The following C14orf180 variants were observed in gnomAD, a reference collection of about 807,000 sequenced individuals.
The protein encoded by C14orf180 is nutritionally-regulated adipose and cardiac enriched protein homolog.
A neutral mutation model predicts 13.9 loss-of-function variants in C14orf180; 13 were observed. The ratio of observed to expected loss-of-function variants is 0.94; its 90% CI spans 0.61 to 1.49. C14orf180 has a LOEUF of 1.49. Ranked by LOEUF, C14orf180 falls within the 40% of genes most tolerant of loss-of-function variation. C14orf180 has a pLI of 0.00. For synonymous variants in C14orf180, 113 were observed against 106.3 expected (o/e 1.06, Z -0.39); for missense variants, 238 against 232.0 (o/e 1.03, Z -0.17).
intron 2 of C14orf180, 27 bp downstream of exon 2, chr14:104,586,568 T>G (rs1430380908): frequency 7.0e-7 from 1 of 1,432,446 alleles, no homozygotes; most frequent in Non-Finnish European, 9.4e-7. Flanking sequence ...GGACACAGCT[T>G]CTGCAAGCTG....
intron 1 of C14orf180, among the ~76,000 whole-genome samples, chr14:104,585,775 A>G (rs1212521654): frequency 6.6e-6 from 1 of 151,734 alleles, no homozygotes; most frequent in Non-Finnish European, 1.5e-5. Context: ...GCAGGGGGAC[A>G]GAGAGATGGA....
chr14:104,586,520 G>T lies in C14orf180; in HGVS notation c.90G>T (p.Pro30=). The T allele has an allele frequency of 1.3e-6, 2 of 1,545,070 alleles. No individual in the cohort carries two copies. Among genetic ancestry groups the T allele is most frequent in the Non-Finnish European group, 1.7e-6 (2 of 1,144,860 alleles). The change falls in exon 2 of 5, where the codon CCG becomes CCT. Residue 30 remains proline, a synonymous_variant. Transcript: ENST00000557649. The stretch of plus-strand genomic sequence containing the variant: ...AGAATGAGGAGGCCGCGTGGGGCCC[G>T]CGGGTGTGCAGGGCAGAGAGGGTAA... ...TRKNEEAAWG[P]RVCRAEREDN... is the part of the protein sequence containing the mutation.
rs1325767312 is a variant in C14orf180 at position 104,587,770 on chromosome 14, C to A, written c.133C>A (p.Pro45Thr). ...CCAGGAGGACAACAGGAAGTGCCCC[C>A]CCTCCATCCTGAAACGGAGCCGGCC... ...AEREDNRKCP[P>T]SILKRSRPEH... Residue 45 changes from proline to threonine, a missense_variant, in exon 3 of 5, where the codon CCC becomes ACC. Pro to Thr is a conservative substitution (Grantham distance 38). Transcript: ENST00000557649. 6.2e-7 allele frequency: 1 copy of A among 1,612,660 alleles called. No homozygotes were observed. The highest frequency in any genetic ancestry group is 2.2e-5 in the East Asian group (1 of 44,858).
chr14:104,584,549 G>A (rs560026068), intron 1 of C14orf180, among the ~76,000 whole-genome samples: 3 of 152,262 alleles, frequency 2.0e-5, no homozygotes, highest in Admixed American at 6.5e-5. Context: ...ACCAGGACAG[G>A]CCTGGCACTC....
intron 3 of C14orf180, 135 bp downstream of exon 3, chr14:104,588,013 A>G: frequency 8.4e-7 from 1 of 1,195,712 alleles, no homozygotes; most frequent in Non-Finnish European, 1.2e-6. Context: ...CTTCAGTGCC[A>G]CAACCCCTGT....
chr14:104,580,944 G>A (rs977391030), intron 1 of C14orf180, among the ~76,000 whole-genome samples: 1 of 152,236 alleles, frequency 6.6e-6, no homozygotes, highest in Non-Finnish European at 1.5e-5. Context: ...ACTGCACCTC[G>A]GGATGTGAGG....
At chr14:104,585,061 C>T (rs1253179400) in intron 1 of C14orf180, among the ~76,000 whole-genome samples, 1 of 152,234 alleles carries the variant, frequency 6.6e-6, no homozygotes, top group Non-Finnish European at 1.5e-5. Context: ...GCCCCTCACT[C>T]TCACCCTCCC....
chr14:104,586,473 G>A lies in C14orf180; in HGVS notation c.43G>A (p.Glu15Lys). 2 of 1,550,410 alleles carry A rather than the reference G, an allele frequency of 1.3e-6. No individual in the cohort carries two copies. The highest frequency in any genetic ancestry group is 1.7e-6 in the Non-Finnish European group (2 of 1,146,828). ...AGAVSPDSRP[E>K]TRRQTRKNEE... ...AGCCGTGAGCCCTGACTCCCGGCCA[G>A]AGACACGACGTCAGACCAGAAAGAA... is the stretch of plus-strand genomic sequence containing the variant. The change falls in exon 2 of 5, where the codon GAG becomes AAG. Residue 15 changes from glutamate to lysine, a missense_variant. By Grantham distance (56) the Glu-to-Lys change is moderately conservative (BLOSUM62 1). Transcript: ENST00000557649.
rs1363407076 is a variant in C14orf180 at position 104,589,714 on chromosome 14, G to A, written c.*931G>A. The A allele has an allele frequency of 6.6e-6, 1 of 152,474 alleles. No homozygotes were observed. The highest frequency in any genetic ancestry group is 1.5e-5 in the Non-Finnish European group (1 of 68,058). The allele number at this position is 152,474 out of a possible 1,614,324, so 9.4% of individuals were successfully genotyped here. On this transcript the variant is annotated 3_prime_UTR_variant, in exon 5 of 5. Coordinates refer to ENST00000557649, the MANE Select transcript of C14orf180 (RefSeq NM_001008404.3). This position sits in a 1 kb window ranked among gnomAD's most constrained non-coding sequence, Gnocchi z 4.9. The stretch of plus-strand genomic sequence containing the variant: ...CAGAACTGCCCAGGAGAGACACAGG[G>A]ACAATCAGACCAGCGTCCTCGAGGT...
chr14:104,588,916 A>C lies in C14orf180; in HGVS notation c.*133A>C. 3.4e-6 allele frequency: 5 copies of C among 1,450,628 alleles called. No individual in the cohort carries two copies. In the Middle Eastern group the frequency reaches 5.5e-4, roughly 160 times the overall value. The allele number at this position is 1,450,628 out of a possible 1,614,324, so 89.9% of individuals were successfully genotyped here. ...AAAAGGGGCTGCTGCCTGAGGGCTAACTAGGAAAAGGGGGACCCCGTGGCG... is the reference window on the plus strand; with the variant it reads ...AAAAGGGGCTGCTGCCTGAGGGCTACCTAGGAAAAGGGGGACCCCGTGGCG... On this transcript the variant is annotated 3_prime_UTR_variant, in exon 5 of 5. Coordinates refer to ENST00000557649, the MANE Select transcript of C14orf180 (RefSeq NM_001008404.3).
At chr14:104,580,449 C>T (rs765374612) in intron 1 of C14orf180, among the ~76,000 whole-genome samples, 1 of 152,300 alleles carries the variant, frequency 6.6e-6, no homozygotes, top group Non-Finnish European at 1.5e-5. Flanking sequence ...TGATGTTGCG[C>T]GAAACAGCCT....
At chr14:104,588,008 G>C (rs1192157867) in intron 3 of C14orf180, 130 bp downstream of exon 3, 1 of 1,222,088 alleles carries the variant, frequency 8.2e-7, no homozygotes, top group Admixed American at 2.6e-5. Flanking sequence ...CCTGCCTTCA[G>C]TGCCACAACC....
intron 1 of C14orf180, among the ~76,000 whole-genome samples, chr14:104,585,769 G>C (rs1298313515): frequency 6.6e-6 from 1 of 151,278 alleles, no homozygotes; most frequent in Non-Finnish European, 1.5e-5. Context: ...AGAGAGGCAG[G>C]GGGACAGAGA....
Position 104,588,318 on chromosome 14 carries a change from T to G in C14orf180, c.277+9T>G. On this transcript the variant is annotated intron_variant, in intron 4 of 4. Transcript: ENST00000557649. ...CACAGCCACTGTCAGGGGTGAGTTCTGAGCCCACATCCCTGTGCCCCACTG... is the reference window on the plus strand; with the variant it reads ...CACAGCCACTGTCAGGGGTGAGTTCGGAGCCCACATCCCTGTGCCCCACTG... 6.2e-7 allele frequency: 1 copy of G among 1,613,506 alleles called. No homozygotes were observed. The highest frequency in any genetic ancestry group is 8.5e-7 in the Non-Finnish European group (1 of 1,180,004).
At chr14:104,583,832 G>A (rs965717251) in intron 1 of C14orf180, among the ~76,000 whole-genome samples, 2 of 151,070 alleles carry the variant, frequency 1.3e-5, no homozygotes, top group East Asian at 1.9e-4. Flanking sequence ...ACACACACAC[G>A]GGCACATGCA....
chr14:104,585,550 C>T (rs866462383), intron 1 of C14orf180, among the ~76,000 whole-genome samples: 1 of 152,102 alleles, frequency 6.6e-6, no homozygotes, highest in South Asian at 2.1e-4. Context: ...GGGGTGGAGG[C>T]GAGGAGGCGC....
At chr14:104,586,700 C>CG (rs1427533654) in intron 2 of C14orf180, among the ~76,000 whole-genome samples, 159 bp downstream of exon 2, 6 of 65,482 alleles carry the variant, frequency 9.2e-5, no homozygotes, top group African/African-American at 2.6e-4. Flanking sequence ...GGGGGAGCAG[C>CG]GGGGGGCAAT....
Position 104,587,900 on chromosome 14 carries a change from G to A in C14orf180, c.241+22G>A, listed in dbSNP as rs772370422. The A allele has an allele frequency of 1.4e-5, 22 of 1,592,648 alleles. No homozygotes were observed. In the South Asian group the frequency reaches 2.4e-4, roughly 17 times the overall value. The stretch of plus-strand genomic sequence containing the variant: ...CACTGTAAGAGGGCACCCGCAGCAA[G>A]CAGCTGGGAGAGGGTGGAGTCAAGC... On this transcript the variant is annotated intron_variant, in intron 3 of 4. Transcript: ENST00000557649.
chr14:104,585,492 C>G (rs977115507), intron 1 of C14orf180, among the ~76,000 whole-genome samples: 3 of 152,222 alleles, frequency 2.0e-5, no homozygotes, highest in South Asian at 2.1e-4. Flanking sequence ...GGGGGCTCCA[C>G]CGGTGAGCAC....
Sources: allele counts gnomAD v4.1 joint callset (sites outside exome capture counted in the v4.1 genomes callset), GRCh38; gene constraint gnomAD v4.1.1; non-coding constraint Gnocchi (gnomAD v3.1); transcripts MANE v1.5; gene names NCBI Gene and HGNC (gene_info 2026-07-23, HGNC 2026-07-21).